The following HECW2 variants were observed in gnomAD, a reference collection of about 807,000 sequenced individuals.
HECW2 encodes HECT, C2 and WW domain containing E3 ubiquitin protein ligase 2.
A neutral mutation model predicts 175.2 loss-of-function variants in HECW2; 61 were observed. The observed-to-expected ratio is 0.35, with a 90% CI of 0.28 to 0.43. HECW2 has a LOEUF of 0.43. HECW2 is among the 20% of genes least tolerant of loss of function. HECW2 has a pLI of 1.00. For synonymous variants in HECW2, 671 were observed against 731.0 expected (o/e 0.92, Z 1.32); for missense variants, 1,524 against 2,000.5 (o/e 0.76, Z 4.54).
intron 1 of HECW2, among the ~76,000 whole-genome samples, chr2:196,492,300 T>A (rs1258882712): frequency 1.3e-5 from 2 of 152,088 alleles, no homozygotes; most frequent in Non-Finnish European, 2.9e-5. Context: ...GCCTGGACCG[T>A]CATCCAGACC....
intron 1 of HECW2, among the ~76,000 whole-genome samples, chr2:196,469,030 C>T (rs1697077241): frequency 6.6e-6 from 1 of 151,954 alleles, no homozygotes; most frequent in Non-Finnish European, 1.5e-5. Context: ...TGATATGGTA[C>T]TTCCCATCAG....
At chr2:196,209,050 T>A (rs1305725607) in intron 28 of HECW2, among the ~76,000 whole-genome samples, 1 of 152,182 alleles carries the variant, frequency 6.6e-6, no homozygotes, top group Non-Finnish European at 1.5e-5. Context: ...TGGAAAGAAA[T>A]GAGCCCAAAC....
chr2:196,408,413 G>C (rs942288066), intron 2 of HECW2, among the ~76,000 whole-genome samples: 1 of 152,146 alleles, frequency 6.6e-6, no homozygotes, highest in Non-Finnish European at 1.5e-5. Context: ...CTGTAGGGTC[G>C]TTCCCAGCTC....
At chr2:196,451,449 A>G (rs931489917) in intron 1 of HECW2, among the ~76,000 whole-genome samples, 7 of 115,328 alleles carry the variant, frequency 6.1e-5, no homozygotes, top group Non-Finnish European at 1.0e-4. Context: ...AAAAAAAAAA[A>G]GAAAAGAAAT....
intron 13 of HECW2, among the ~76,000 whole-genome samples, chr2:196,304,360 A>AAAAAT (rs1329460169): frequency 3.3e-5 from 5 of 152,128 alleles, no homozygotes; most frequent in South Asian, 4.1e-4. Context: ...TTTGAGATTA[A>AAAAAT]AAAATAAAAT....
At chr2:196,351,525 C>A (rs1693170724) in intron 2 of HECW2, among the ~76,000 whole-genome samples, 1 of 152,140 alleles carries the variant, frequency 6.6e-6, no homozygotes, top group African/African-American at 2.4e-5. Flanking sequence ...AAAGCACTTA[C>A]CCTCCTACCA....
At chr2:196,532,750 C>G (rs929606093) in intron 1 of HECW2, among the ~76,000 whole-genome samples, 36 of 151,982 alleles carry the variant, frequency 2.4e-4, no homozygotes, top group African/African-American at 8.7e-4. Context: ...TATCAACTAC[C>G]TTGCTATCAT....
intron 20 of HECW2, among the ~76,000 whole-genome samples, chr2:196,240,957 G>A (rs1258810685): frequency 6.6e-6 from 1 of 152,018 alleles, no homozygotes; most frequent in Non-Finnish European, 1.5e-5. Flanking sequence ...CTCAATGCAT[G>A]TAGACAAGGA....
chr2:196,443,950 G>A (rs890794957), intron 1 of HECW2, among the ~76,000 whole-genome samples: 2 of 152,180 alleles, frequency 1.3e-5, no homozygotes, highest in African/African-American at 2.4e-5. Context: ...TGGGAGGATC[G>A]CTTGAGCCTG....
intron 1 of HECW2, among the ~76,000 whole-genome samples, chr2:196,552,769 C>A (rs1382630443): frequency 6.6e-6 from 1 of 152,190 alleles, no homozygotes; most frequent in Non-Finnish European, 1.5e-5. Flanking sequence ...TTAGATTTTA[C>A]TTCCATGGAA....
intron 2 of HECW2, among the ~76,000 whole-genome samples, chr2:196,371,105 T>G (rs937249394): frequency 3.9e-5 from 6 of 152,214 alleles, no homozygotes; most frequent in Non-Finnish European, 7.3e-5. Flanking sequence ...TCCACCATCT[T>G]GCTCTGCCCC....
intron 28 of HECW2, among the ~76,000 whole-genome samples, chr2:196,201,620 A>G (rs1686862510): frequency 6.6e-6 from 1 of 152,206 alleles, no homozygotes; most frequent in Non-Finnish European, 1.5e-5. Flanking sequence ...TATTTTATTT[A>G]CATTTCACCA....
rs530964909 is a variant in HECW2, at chr2:196,510,894, T to A, written c.-35-77436A>T. Among the ~76,000 whole-genome samples the A allele has an allele frequency of 1.3e-4, 20 of 152,320 alleles. No homozygotes were observed. The South Asian group carries it at 4.1e-3, about 32-fold the overall frequency. On this transcript the variant is annotated intron_variant, in intron 1 of 28. Coordinates refer to ENST00000644978, the MANE Select transcript of HECW2 (RefSeq NM_001348768.2). The stretch of plus-strand genomic sequence containing the variant: ...GACTATGAGGACTACTCCCCCATTC[T>A]CTTGAAAAATCTCTAAAAATGGGAA...
intron 22 of HECW2, among the ~76,000 whole-genome samples, 189 bp from the exon 23 acceptor site, chr2:196,226,059 T>C (rs1687837691): frequency 6.6e-6 from 1 of 152,204 alleles, no homozygotes; most frequent in Non-Finnish European, 1.5e-5. Context: ...GTTTGTATAC[T>C]TGTCCCTGCC....
Position 196,320,348 on chromosome 2 carries a change from C to T in HECW2, c.976G>A (p.Val326Ile). 6.2e-7 allele frequency: 1 copy of T among 1,600,374 alleles called. No individual in the cohort carries two copies. The highest frequency in any genetic ancestry group is 8.6e-7 in the Non-Finnish European group (1 of 1,168,324). The change falls in exon 8 of 29, where the codon GTT (valine) becomes ATT (isoleucine). Residue 326 changes from valine (V) to isoleucine (I), a missense_variant. By Grantham distance (29) the Val-to-Ile change is conservative. Coordinates refer to ENST00000644978, the MANE Select transcript of HECW2 (RefSeq NM_001348768.2). ...LQFKVEVTSS[V>I]HEDASPEAVG... ...TATATTTATATCTCACCTTCATGAA[C>T]AGAAGACGTAACCTCCACTTTAAAC...
chr2:196,268,876 G>A (rs557112682), intron 17 of HECW2, among the ~76,000 whole-genome samples: 1 of 152,194 alleles, frequency 6.6e-6, no homozygotes, highest in Admixed American at 6.5e-5. Flanking sequence ...TTAGATCACT[G>A]AGGGGCTTGT....
Position 196,438,911 on chromosome 2 carries a change from G to A in HECW2, c.-35-5453C>T, listed in dbSNP as rs540369774. Among the ~76,000 whole-genome samples, 3 of 152,290 alleles carry A rather than the reference G, an allele frequency of 2.0e-5. No homozygotes were observed. In the East Asian group the frequency reaches 5.8e-4, roughly 29 times the overall value. On this transcript the variant is annotated intron_variant, in intron 1 of 28. Transcript: ENST00000644978. ...TTCAAAAGCAGAACAGTGTCCCAGA[G>A]GTGCTTGTGTGTCAGGGGAGGAGAT... is the stretch of plus-strand genomic sequence containing the variant.
chr2:196,575,264 C>CA (rs1197866772), intron 1 of HECW2, among the ~76,000 whole-genome samples: 4 of 151,676 alleles, frequency 2.6e-5, no homozygotes, highest in Non-Finnish European at 4.4e-5. Flanking sequence ...ATCAAAAAGA[C>CA]AATATTGGCA....
chr2:196,387,602 G>A (rs1694386432), intron 2 of HECW2, among the ~76,000 whole-genome samples: 1 of 152,110 alleles, frequency 6.6e-6, no homozygotes, highest in South Asian at 2.1e-4. Flanking sequence ...ACTAAGACAG[G>A]TGGATTATTT....
Sources: allele counts gnomAD v4.1 joint callset (sites outside exome capture counted in the v4.1 genomes callset), GRCh38; gene constraint gnomAD v4.1.1; transcripts MANE v1.5; gene names NCBI Gene and HGNC (gene_info 2026-07-23, HGNC 2026-07-21).